PRKN: variants seen among roughly 807,000 people sequenced by gnomAD.
The protein encoded by PRKN is parkin RBR E3 ubiquitin protein ligase.
In PRKN, 56 loss-of-function variants were observed where a neutral mutation model predicts 59.5. The observed-to-expected ratio is 0.94, with a 90% CI of 0.76 to 1.18. The LOEUF (loss-of-function observed/expected upper bound fraction) is 1.18, where lower values mean the gene tolerates loss of function less well. Among genes scored for constraint, PRKN ranks in the 50% most tolerant of loss-of-function variants. The pLI, the probability that PRKN is intolerant of heterozygous loss-of-function variation, is 0.00. For missense variants in PRKN, 657 were observed against 596.4 expected, an observed-to-expected ratio of 1.10 and a Z score of -1.06; for synonymous variants, 250 against 222.1, an observed-to-expected ratio of 1.13 and a Z score of -1.12.
intron 7 of PRKN, among the ~76,000 whole-genome samples, chr6:161,625,943 C>A (rs1783068535): frequency 6.6e-6 from 1 of 152,116 alleles, no homozygotes; most frequent in Non-Finnish European, 1.5e-5. Context: ...CAAAGTCATC[C>A]AGTATAAGAA....
intron 7 of PRKN, among the ~76,000 whole-genome samples, chr6:161,777,722 CAT>C (rs1297778238): frequency 2.2e-5 from 3 of 136,858 alleles, no homozygotes; most frequent in Non-Finnish European, 3.1e-5. Context: ...ATTTTATATA[CAT>C]ATATATCTAT....
chr6:162,711,812 T>C (rs1470224883), intron 1 of PRKN, among the ~76,000 whole-genome samples: 1 of 152,206 alleles, frequency 6.6e-6, no homozygotes, highest in Non-Finnish European at 1.5e-5. Flanking sequence ...ACAGCTATTA[T>C]CATTGACAAT....
chr6:161,496,418 A>G (rs1777750412), intron 9 of PRKN, among the ~76,000 whole-genome samples: 1 of 152,248 alleles, frequency 6.6e-6, no homozygotes, highest in Non-Finnish European at 1.5e-5. Context: ...TGGGTAATTT[A>G]TAAAGGAAAG....
intron 1 of PRKN, among the ~76,000 whole-genome samples, chr6:162,603,029 T>C (rs978532683): frequency 6.6e-6 from 1 of 152,176 alleles, no homozygotes; most frequent in Non-Finnish European, 1.5e-5. Flanking sequence ...AGCTCCAGGA[T>C]GCATTGCTAT....
intron 9 of PRKN, among the ~76,000 whole-genome samples, chr6:161,416,104 G>T (rs992217745): frequency 6.6e-6 from 1 of 152,094 alleles, no homozygotes; most frequent in Non-Finnish European, 1.5e-5. Context: ...CTTCCACGGC[G>T]CCTATGGAAA....
At chr6:161,981,017 A>G (rs1435808399) in intron 5 of PRKN, among the ~76,000 whole-genome samples, 1 of 152,202 alleles carries the variant, frequency 6.6e-6, no homozygotes, top group Non-Finnish European at 1.5e-5. Context: ...TACTCGTCAA[A>G]AGACTATCCA....
intron 7 of PRKN, among the ~76,000 whole-genome samples, chr6:161,725,527 T>C (rs1272442719): frequency 6.6e-6 from 1 of 152,168 alleles, no homozygotes; most frequent in Non-Finnish European, 1.5e-5. Flanking sequence ...CTGAATCTTT[T>C]AAGGTACAAA....
At chr6:161,517,245 A>G (rs1327650745) in intron 9 of PRKN, among the ~76,000 whole-genome samples, 2 of 152,084 alleles carry the variant, frequency 1.3e-5, no homozygotes, top group African/African-American at 4.8e-5. Flanking sequence ...CGTGTGACTG[A>G]CCTATCTTTT....
In PRKN at chr6:161,502,775, C is replaced by T. The variant is rs1269220854; in HGVS notation, c.1083+46079G>A. On this transcript the variant is annotated intron_variant, in intron 9 of 11. Transcript: ENST00000366898. The surrounding 1 kb of genome is among the most constrained non-coding windows in gnomAD (Gnocchi z 4.0). ...GGGTATGAGGTGGCTCTGATCCATG[C>T]TCTACGGTGAATGTGTGGGAAGGAC... Among the ~76,000 whole-genome samples, 1 of 152,094 alleles carries T rather than the reference C, an allele frequency of 6.6e-6. No homozygotes were observed. Among genetic ancestry groups the T allele is most frequent in the Non-Finnish European group, 1.5e-5 (1 of 68,018 alleles).
intron 3 of PRKN, among the ~76,000 whole-genome samples, chr6:162,247,131 A>G (rs1779231887): frequency 1.3e-5 from 2 of 152,152 alleles, no homozygotes; most frequent in African/African-American, 4.8e-5. Flanking sequence ...TTAGTCTGCT[A>G]AAATGTTTGT....
Position 162,473,973 on chromosome 6 carries a change from G to A in PRKN, c.8-30500C>T, listed in dbSNP as rs549399071. Among the ~76,000 whole-genome samples the A allele has an allele frequency of 2.1e-3, 316 of 152,178 alleles. 6 individuals carry two copies. Among genetic ancestry groups the A allele is most frequent in the African/African-American group, 7.0e-3 (292 of 41,526 alleles). On this transcript the variant is annotated intron_variant, in intron 1 of 11. Coordinates refer to ENST00000366898, the MANE Select transcript of PRKN (RefSeq NM_004562.3). ...ATAACTGATTTCCCACCAGCTTTCCGGTGCAACATCCATTACCATAATAAA... is the reference window on the plus strand; with the variant it reads ...ATAACTGATTTCCCACCAGCTTTCCAGTGCAACATCCATTACCATAATAAA...
chr6:162,515,516 G>A (rs1012346182), intron 1 of PRKN, among the ~76,000 whole-genome samples: 1 of 152,128 alleles, frequency 6.6e-6, no homozygotes, highest in African/African-American at 2.4e-5. Context: ...AATCAAGAAA[G>A]GGTATATAAG....
intron 3 of PRKN, among the ~76,000 whole-genome samples, chr6:162,246,590 A>C (rs1779207926): frequency 6.6e-6 from 1 of 152,134 alleles, no homozygotes; most frequent in Non-Finnish European, 1.5e-5. Context: ...ACATATGGTG[A>C]ATCTTTGGAC....
rs1562465440 is a variant in PRKN, at chr6:162,021,143, TATATATATATATATATATATATAAA to T, written c.618+32923_618+32947del. Among the ~76,000 whole-genome samples, 92 of 10,784 alleles carry T rather than the reference TATATATATATATATATATATATAAA, an allele frequency of 8.5e-3. 6 individuals carry two copies. Among genetic ancestry groups the T allele is most frequent in the Non-Finnish European group, 0.011 (62 of 5,900 alleles). The allele number at this position is 10,784 out of a possible 152,430, so 7.1% of individuals were successfully genotyped here. On this transcript the variant is annotated intron_variant, in intron 5 of 11. Coordinates refer to ENST00000366898, the MANE Select transcript of PRKN (RefSeq NM_004562.3). ...ACATATATATATATATATATATATA[TATATATATATATATATATATATAAA>T]ATATATGTGTATATATATTATATAT...
chr6:161,553,326 GCTTCTTTCCTTC>G (rs66901828), intron 8 of PRKN, among the ~76,000 whole-genome samples: 31,323 of 151,346 alleles, frequency 0.21, 3,443 homozygotes, highest in Middle Eastern at 0.3. Flanking sequence ...ATTTAATTCA[GCTTCTTTCCTTC>G]CTTCTTTCCT....
intron 7 of PRKN, among the ~76,000 whole-genome samples, chr6:161,577,962 G>A (rs1583251951): frequency 1.3e-5 from 2 of 151,958 alleles, no homozygotes; most frequent in Admixed American, 6.6e-5. Context: ...ATTCTTCATC[G>A]AACAACTCTT....
At chr6:162,619,975 G>A (rs1782595975) in intron 1 of PRKN, among the ~76,000 whole-genome samples, 1 of 152,048 alleles carries the variant, frequency 6.6e-6, no homozygotes, top group Non-Finnish European at 1.5e-5. Flanking sequence ...ATTTGCACAT[G>A]CATTAACATA....
chr6:161,610,585 G>A (rs963615080), intron 7 of PRKN, among the ~76,000 whole-genome samples: 2 of 151,690 alleles, frequency 1.3e-5, no homozygotes, highest in Non-Finnish European at 2.9e-5. Flanking sequence ...ATATGACAGT[G>A]AAGAAGAGAA....
chr6:161,475,898 C>A lies in PRKN; in HGVS notation c.1083+72956G>T, dbSNP rs533309402. On this transcript the variant is annotated intron_variant, in intron 9 of 11. Transcript: ENST00000366898. The surrounding 1 kb of genome is among the most constrained non-coding windows in gnomAD (Gnocchi z 5.3). ...ATTTTATATATTTAAAAATATTATT[C>A]AAGATAGGCTGGTCGCGGTGGCTCA... 1.2e-4 allele frequency among the ~76,000 whole-genome samples: 19 copies of A among 152,002 alleles called. 1 individual carries two copies. The South Asian group carries it at 3.9e-3, about 32-fold the overall frequency.
Sources: allele counts gnomAD v4.1 joint callset (sites outside exome capture counted in the v4.1 genomes callset), GRCh38; gene constraint gnomAD v4.1.1; non-coding constraint Gnocchi (gnomAD v3.1); transcripts MANE v1.5; gene names NCBI Gene and HGNC (gene_info 2026-07-23, HGNC 2026-07-21).